MCM3AP: variants seen among roughly 807,000 people sequenced by gnomAD.
MCM3AP encodes germinal-center associated nuclear protein.
Under a neutral mutation model 184.1 loss-of-function variants are expected in MCM3AP, and 126 were observed. That is an observed-to-expected ratio of 0.68 (90% CI 0.59 to 0.79). MCM3AP has a LOEUF of 0.79. Ranked by LOEUF, MCM3AP falls within the 30% of genes least tolerant of loss-of-function variation. The probability of loss-of-function intolerance (pLI) is 0.00; values close to 1 mark genes in which losing one functional copy is unlikely to be tolerated. For synonymous variants in MCM3AP, 1,002 were observed against 979.3 expected (o/e 1.02, Z -0.43); for missense variants, 2,496 against 2,479.2 (o/e 1.01, Z -0.14).
chr21:46,272,679 G>A lies in MCM3AP; in HGVS notation c.2347C>T (p.Leu783=), dbSNP rs1426077881. 1.6e-5 allele frequency: 26 copies of A among 1,614,066 alleles called. No individual in the cohort carries two copies. The highest frequency in any genetic ancestry group is 3.3e-5 in the Admixed American group (2 of 60,006). Residue 783 remains leucine, a synonymous_variant, in exon 8 of 28, where the codon CTG becomes TTG. Coordinates refer to ENST00000291688, the MANE Select transcript of MCM3AP (RefSeq NM_003906.5). ...KINNENMTKC[L]QSLKEMYQDL... is the part of the protein sequence containing the mutation. ...TGGTACATCTCCTTCAGGCTCTGCA[G>A]GCACTTGGTCATGTTCTCATTATTG...
Position 46,254,816 on chromosome 21 carries a change from G to A in MCM3AP, c.3961C>T (p.His1321Tyr), listed in dbSNP as rs767848520. 4 of 1,614,106 alleles carry A rather than the reference G, an allele frequency of 2.5e-6. No individual in the cohort carries two copies. The highest frequency in any genetic ancestry group is 1.7e-5 in the Admixed American group (1 of 60,028). ...RLRRLRNKTA[H>Y]QMKVQHFYQQ... ...TAGAAGTGCTGAACCTTCATCTGGTGAGCTGTCTTGTTTCTGAGCCGCCTT... is the reference window on the plus strand; with the variant it reads ...TAGAAGTGCTGAACCTTCATCTGGTAAGCTGTCTTGTTTCTGAGCCGCCTT... Residue 1321 changes from histidine (H) to tyrosine (Y), a missense_variant, in exon 18 of 28, where the codon CAC becomes TAC. Around this residue, in one of 5 missense-constraint regions of MCM3AP, gnomAD observed 1,323 missense variants for 1,273.4 expected, o/e 1.04. Coordinates refer to ENST00000291688, the MANE Select transcript of MCM3AP (RefSeq NM_003906.5).
rs577611955 is a variant in MCM3AP, at chr21:46,246,744, G to A, written c.4433C>T (p.Ser1478Leu). 8 of 1,614,210 alleles carry A rather than the reference G, an allele frequency of 5.0e-6. No individual in the cohort carries two copies. Among genetic ancestry groups the A allele is most frequent in the East Asian group, 4.5e-5 (2 of 44,888 alleles). ...GAGCTGCTTGAGCTGCAGCAAGGCC[G>A]ACAGCCAGTACACGTCCTCCTCTGC... ...DMAEEDVYWL[S>L]ALLQLKQLLQ... Residue 1478 changes from serine to leucine, a missense_variant, in exon 21 of 28, where the codon TCG becomes TTG. Ser to Leu is a moderately radical substitution (Grantham distance 145). Transcript: ENST00000291688.
At chr21:46,258,355 G>T (rs1468120564) in intron 16 of MCM3AP, among the ~76,000 whole-genome samples, 1 of 152,138 alleles carries the variant, frequency 6.6e-6, no homozygotes, top group East Asian at 1.9e-4. Flanking sequence ...AAATCATCAA[G>T]CACCTGTGCA....
At chr21:46,261,234 T>G in intron 14 of MCM3AP, 46 bp downstream of exon 14, 1 of 1,610,064 alleles carries the variant, frequency 6.2e-7, no homozygotes, top group Non-Finnish European at 8.5e-7. Context: ...CTTGCCTGTG[T>G]CCACACTGAG....
intron 9 of MCM3AP, chr21:46,267,834 C>G (rs2081132674): frequency 6.6e-6 from 1 of 152,246 alleles, no homozygotes; most frequent in African/African-American, 2.4e-5. Context: ...GAGGTTGAGG[C>G]TGCAGTAAGC....
At chr21:46,266,703 A>G (rs547685095) in intron 10 of MCM3AP, 1 of 430,892 alleles carries the variant, frequency 2.3e-6, no homozygotes, top group East Asian at 4.2e-5. Context: ...GGGAAAGAAT[A>G]AAGAAGGCCC....
intron 25 of MCM3AP, 42 bp from the exon 26 acceptor site, chr21:46,241,059 T>C: frequency 7.2e-7 from 1 of 1,387,582 alleles, no homozygotes; most frequent in Non-Finnish European, 1.0e-6. Flanking sequence ...CAAGAGAAAA[T>C]ATTTCTACAG....
chr21:46,240,830 C>G lies in MCM3AP; in HGVS notation c.5614G>C (p.Glu1872Gln), dbSNP rs2298696. The change falls in exon 26 of 28, where the codon GAG becomes CAG. Residue 1872 changes from glutamate (E) to glutamine (Q), a missense_variant. Coordinates refer to ENST00000291688, the MANE Select transcript of MCM3AP (RefSeq NM_003906.5). Reference protein sequence around the residue: ...AQCLSSSLLLEKEENKRFEDQ... With the variant: ...AQCLSSSLLLQKEENKRFEDQ... ...CTTCACCTCTTGTTCTCTTCTTTCT[C>G]CAGCAGCAGACTGCTCGACAAACAC... 5 of 1,614,024 alleles carry G rather than the reference C, an allele frequency of 3.1e-6. No individual in the cohort carries two copies. The highest frequency in any genetic ancestry group is 4.2e-6 in the Non-Finnish European group (5 of 1,180,038).
At chr21:46,260,948 A>G in intron 14 of MCM3AP, 42 bp from the exon 15 acceptor site, 1 of 1,458,498 alleles carries the variant, frequency 6.9e-7, no homozygotes, top group South Asian at 1.1e-5. Context: ...ATGTTTAAGA[A>G]TAAAAATAAG....
chr21:46,254,528 TGGGA>T lies in MCM3AP; in HGVS notation c.4002-6_4002-3del, dbSNP rs749544652. 1.6e-5 allele frequency: 26 copies of T among 1,613,912 alleles called. No individual in the cohort carries two copies. In the East Asian group the frequency reaches 5.6e-4, roughly 35 times the overall value. ...TCCAGAGACGCCCATGCCACATCAC[TGGGA>T]GGAACAGACCACCGTGGATTAGCCA... On this transcript the variant is annotated splice_region_variant and splice_polypyrimidine_tract_variant and intron_variant, in intron 18 of 27. Transcript: ENST00000291688.
chr21:46,236,773 C>A, intron 27 of MCM3AP, 56 bp downstream of exon 27: 2 of 1,214,218 alleles, frequency 1.6e-6, no homozygotes, highest in South Asian at 1.5e-5. Flanking sequence ...TTTTCCCCAG[C>A]CATTCTCTCA....
chr21:46,259,311 C>T (rs777619788), intron 15 of MCM3AP: 5 of 361,898 alleles, frequency 1.4e-5, no homozygotes, highest in Non-Finnish European at 2.0e-5. Context: ...AAAAAATTAG[C>T]CTGGTGTGGT....
intron 27 of MCM3AP, among the ~76,000 whole-genome samples, chr21:46,235,878 C>T (rs2080514192): frequency 6.6e-6 from 1 of 152,172 alleles, no homozygotes; most frequent in Non-Finnish European, 1.5e-5. Context: ...AGCGATCCTC[C>T]CTCATCAGCC....
rs17176933 is a variant in MCM3AP at position 46,240,835 on chromosome 21, A to C, written c.5609T>G (p.Leu1870Arg). The C allele has an allele frequency of 9.4e-4, 1,516 of 1,614,218 alleles. 13 individuals are homozygous for C. The East Asian group carries it at 0.028, about 30-fold the overall frequency. Residue 1870 changes from leucine (L) to arginine (R), a missense_variant, in exon 26 of 28, where the codon CTG (leucine) becomes CGG (arginine). This residue lies in a region of MCM3AP where 1,323 missense variants were observed against 1,273.4 expected (regional missense o/e 1.04). Coordinates refer to ENST00000291688, the MANE Select transcript of MCM3AP (RefSeq NM_003906.5). ...LLAQCLSSSL[L>R]LEKEENKRFE... ...CCTCTTGTTCTCTTCTTTCTCCAGC[A>C]GCAGACTGCTCGACAAACACTGCGC... is the stretch of plus-strand genomic sequence containing the variant.
At position 46,267,018 on chromosome 21, in the gene MCM3AP, T is replaced by C; in HGVS notation, c.2753A>G (p.Asp918Gly). 6.2e-7 allele frequency: 1 copy of C among 1,614,148 alleles called. No homozygotes were observed. Among genetic ancestry groups the C allele is most frequent in the Non-Finnish European group, 8.5e-7 (1 of 1,180,036 alleles). The change falls in exon 10 of 28, where the codon GAC becomes GGC. Residue 918 changes from aspartate to glycine, a missense_variant. Physicochemically the swap from Asp to Gly is moderately conservative, Grantham distance 94. Around this residue, in one of 5 missense-constraint regions of MCM3AP, gnomAD observed 138 missense variants for 191.9 expected, o/e 0.72. Transcript: ENST00000291688. The stretch of plus-strand genomic sequence containing the variant: ...GGTGAGGCCGTGGCAGGTGAGGAAG[T>C]CGGTGGCCTCTTCACAGTCTCTGAA... The part of the protein sequence containing the change: ...LLFRDCEEAT[D>G]FLTCHGLTVS...
Position 46,251,561 on chromosome 21 carries a change from C to A in MCM3AP, c.4258G>T (p.Asp1420Tyr). The change falls in exon 20 of 28, where the codon GAT becomes TAT. Residue 1420 changes from aspartate to tyrosine, a missense_variant. Coordinates refer to ENST00000291688, the MANE Select transcript of MCM3AP (RefSeq NM_003906.5). Reference sequence around the variant, plus strand: ...CACACGTTAACAGAAATCATCTGATCCCCTTTGCTGCTAAGTGAGTTGAAA... The same window carrying A: ...CACACGTTAACAGAAATCATCTGATACCCTTTGCTGCTAAGTGAGTTGAAA... ...SLFNSLSSKG[D>Y]QMISVNVCIK... is the part of the protein sequence containing the mutation. 6.2e-7 allele frequency: 1 copy of A among 1,612,122 alleles called. No individual in the cohort carries two copies. The highest frequency in any genetic ancestry group is 8.5e-7 in the Non-Finnish European group (1 of 1,178,282).
chr21:46,251,451 T>G, intron 20 of MCM3AP, 78 bp downstream of exon 20: 1 of 1,247,192 alleles, frequency 8.0e-7, no homozygotes, highest in Non-Finnish European at 1.1e-6. Context: ...AAGCAGTATT[T>G]GCATGGTTCC....
chr21:46,281,383 T>C (rs1020129828), intron 2 of MCM3AP, among the ~76,000 whole-genome samples: 2 of 152,136 alleles, frequency 1.3e-5, no homozygotes, highest in African/African-American at 4.8e-5. Context: ...TGCTCCTGAG[T>C]AACAGGAGAG....
At chr21:46,283,542 A>C (rs1489949653) in intron 2 of MCM3AP, 73 bp downstream of exon 2, 1 of 450,214 alleles carries the variant, frequency 2.2e-6, no homozygotes, top group Non-Finnish European at 3.4e-6. Context: ...CTGAGGGACC[A>C]AAAAAAAAAA....
Sources: gnomAD v4.1 joint callset for allele counts (sites outside exome capture counted in the v4.1 genomes callset) on GRCh38, gnomAD v4.1.1 for gene constraint, gnomAD v4.1.1 regional missense constraint, MANE v1.5 for transcripts, NCBI Gene and HGNC (gene_info 2026-07-23, HGNC 2026-07-21) for gene names.